TBC1D14: variants seen among roughly 807,000 people sequenced by gnomAD.
The protein encoded by TBC1D14 is TBC1 domain family, member 14.
Under a neutral mutation model 79.0 loss-of-function variants are expected in TBC1D14, and 26 were observed. That is an observed-to-expected ratio of 0.33 (90% CI 0.24 to 0.46). The LOEUF (loss-of-function observed/expected upper bound fraction) is 0.46. Ranked by LOEUF, TBC1D14 falls within the 20% of genes least tolerant of loss-of-function variation. TBC1D14 has a pLI of 1.00. For synonymous variants in TBC1D14, 394 were observed against 349.9 expected (o/e 1.13, Z -1.40); for missense variants, 769 against 887.6 (o/e 0.87, Z 1.70).
At chr4:7,011,581 G>A (rs1270132276) in intron 11 of TBC1D14, among the ~76,000 whole-genome samples, 1 of 151,662 alleles carries the variant, frequency 6.6e-6, no homozygotes, top group African/African-American at 2.4e-5. Flanking sequence ...TTTTTTGGCA[G>A]GGTCTTGCTC....
At chr4:6,969,707 A>G (rs528319050) in intron 3 of TBC1D14, among the ~76,000 whole-genome samples, 94 of 148,280 alleles carry the variant, frequency 6.3e-4, no homozygotes, top group African/African-American at 2.0e-3. Flanking sequence ...GCCCGGCCCG[A>G]CCCTGTTTTT....
chr4:6,929,807 C>A (rs1044696462), intron 2 of TBC1D14, among the ~76,000 whole-genome samples: 1 of 152,164 alleles, frequency 6.6e-6, no homozygotes, highest in South Asian at 2.1e-4. Flanking sequence ...TGAGCAGCTC[C>A]CTTTGGAGAA....
intron 1 of TBC1D14, among the ~76,000 whole-genome samples, chr4:6,922,549 G>A (rs982133824): frequency 4.6e-5 from 7 of 152,264 alleles, no homozygotes; most frequent in East Asian, 1.9e-4. Context: ...GTGAGTAAGC[G>A]TGACTGAAAC....
At chr4:7,001,999 G>A (rs1164174072) in intron 7 of TBC1D14, among the ~76,000 whole-genome samples, 1 of 152,204 alleles carries the variant, frequency 6.6e-6, no homozygotes, top group East Asian at 1.9e-4. Context: ...AGTTGATGAT[G>A]TGGTTTTTAT....
chr4:6,949,957 A>C (rs558328356), intron 2 of TBC1D14, among the ~76,000 whole-genome samples: 83 of 152,298 alleles, frequency 5.4e-4, no homozygotes, highest in Non-Finnish European at 7.4e-5. Flanking sequence ...CAGGTTTGTT[A>C]CATAGGTATA....
intron 12 of TBC1D14, among the ~76,000 whole-genome samples, chr4:7,020,509 G>A (rs894594825): frequency 1.3e-5 from 2 of 152,184 alleles, no homozygotes; most frequent in South Asian, 4.1e-4. Context: ...GAGTGAGGGC[G>A]CCTCCTTAGC....
rs188531042 is a variant in TBC1D14, at chr4:7,002,705, C to T, written c.1270+1454C>T. ...ACCAAGCCTGGGTCTCTGCATGGGG[C>T]AGGCCCTTAAGAAATACCTGCTGTG... On this transcript the variant is annotated intron_variant, in intron 7 of 13. Coordinates refer to ENST00000409757, the MANE Select transcript of TBC1D14 (RefSeq NM_020773.3). Among the ~76,000 whole-genome samples the T allele has an allele frequency of 3.0e-4, 45 of 152,320 alleles. 1 individual carries two copies. Among genetic ancestry groups the T allele is most frequent in the African/African-American group, 9.9e-4 (41 of 41,568 alleles).
At chr4:6,998,879 T>C in intron 5 of TBC1D14, 1 of 553,192 alleles carries the variant, frequency 1.8e-6, no homozygotes, top group East Asian at 3.2e-5. Context: ...CCTGTCTAGA[T>C]GTTAGACTTT....
In TBC1D14 at chr4:6,957,029, G is replaced by A. The variant is rs9994021; in HGVS notation, c.723-10275G>A. On this transcript the variant is annotated intron_variant, in intron 2 of 13. Transcript: ENST00000409757. Reference sequence around the variant, plus strand: ...CCTTTCTTAGGAAAAGTCTGGGAGTGGAGCAGGAGCATGGTTGCACCGTGC... The same window carrying A: ...CCTTTCTTAGGAAAAGTCTGGGAGTAGAGCAGGAGCATGGTTGCACCGTGC... 4.8e-3 allele frequency among the ~76,000 whole-genome samples: 733 copies of A among 152,364 alleles called. 4 individuals carry two copies. Among genetic ancestry groups the A allele is most frequent in the African/African-American group, 0.017 (691 of 41,574 alleles).
chr4:7,004,685 A>G (rs1403614744), intron 7 of TBC1D14, among the ~76,000 whole-genome samples, 159 bp from the exon 8 acceptor site: 1 of 152,234 alleles, frequency 6.6e-6, no homozygotes, highest in Non-Finnish European at 1.5e-5. Flanking sequence ...AATTACTTTC[A>G]GGCCAAGTTG....
intron 2 of TBC1D14, among the ~76,000 whole-genome samples, chr4:6,932,349 C>T (rs894270171): frequency 1.5e-4 from 22 of 144,894 alleles, no homozygotes; most frequent in Admixed American, 1.1e-3. Flanking sequence ...CGATCTTGGG[C>T]GACAGAGCAA....
At chr4:6,955,801 G>A (rs1714577309) in intron 2 of TBC1D14, among the ~76,000 whole-genome samples, 1 of 152,156 alleles carries the variant, frequency 6.6e-6, no homozygotes, top group African/African-American at 2.4e-5. Context: ...CACCAGGTCA[G>A]GGAGGATTGC....
At chr4:6,984,323 T>G (rs1305436693) in intron 3 of TBC1D14, among the ~76,000 whole-genome samples, 1 of 152,150 alleles carries the variant, frequency 6.6e-6, no homozygotes, top group Non-Finnish European at 1.5e-5. Context: ...GAGCAGTGGC[T>G]GGCATCCTGG....
At chr4:7,026,613 T>C (rs1415654628) in intron 13 of TBC1D14, among the ~76,000 whole-genome samples, 1 of 152,156 alleles carries the variant, frequency 6.6e-6, no homozygotes, top group East Asian at 1.9e-4. Context: ...ACAGGTCATT[T>C]AGGCTGGGCA....
chr4:6,953,023 C>CTTTTTTTTTTTTTTTTTTTTTTTT (rs371101904), intron 2 of TBC1D14, among the ~76,000 whole-genome samples: 1 of 107,112 alleles, frequency 9.3e-6, no homozygotes. Context: ...TTTTTTCTTT[C>CTTTTTTTTTTTTTTTTTTTTTTTT]TTTTTTTTTT....
chr4:7,022,708 C>T (rs138958908), intron 12 of TBC1D14, among the ~76,000 whole-genome samples: 15 of 152,150 alleles, frequency 9.9e-5, no homozygotes, highest in African/African-American at 1.4e-4. Flanking sequence ...CAGGGGGCAT[C>T]GTGGGCATAG....
intron 10 of TBC1D14, 152 bp downstream of exon 10, chr4:7,010,100 A>G: frequency 1.3e-6 from 1 of 792,140 alleles, no homozygotes; most frequent in South Asian, 1.6e-5. Flanking sequence ...AAGTGAGTTG[A>G]CTCAGGTTCC....
chr4:6,963,526 GA>G (rs1351614898), intron 2 of TBC1D14, among the ~76,000 whole-genome samples: 1 of 152,224 alleles, frequency 6.6e-6, no homozygotes, highest in Non-Finnish European at 1.5e-5. Flanking sequence ...TTGGTCATGT[GA>G]CAAGTAGGTG....
Position 7,006,679 on chromosome 4 carries a change from A to G in TBC1D14, c.1399A>G (p.Lys467Glu), listed in dbSNP as rs1367977295. The G allele has an allele frequency of 6.2e-7, 1 of 1,614,078 alleles. No individual in the cohort carries two copies. The highest frequency in any genetic ancestry group is 1.1e-5 in the South Asian group (1 of 91,024). ...CAGAGAAGCCAGTCTGGAGCTTATTAAACTGGACATTTCTAGAACATTTCC... is the reference window on the plus strand; with the variant it reads ...CAGAGAAGCCAGTCTGGAGCTTATTGAACTGGACATTTCTAGAACATTTCC... ...ADREASLELI[K>E]LDISRTFPNL... Residue 467 changes from lysine to glutamate, a missense_variant, in exon 9 of 14, where the codon AAA becomes GAA. Lys to Glu is a moderately conservative substitution (Grantham distance 56). Around this residue, in one of 2 missense-constraint regions of TBC1D14, gnomAD observed 367 missense variants for 494.4 expected, o/e 0.74. Transcript: ENST00000409757.
Sources: allele counts gnomAD v4.1 joint callset (sites outside exome capture counted in the v4.1 genomes callset), GRCh38; gene constraint gnomAD v4.1.1; regional missense constraint gnomAD v4.1.1; transcripts MANE v1.5; gene names NCBI Gene and HGNC (gene_info 2026-07-23, HGNC 2026-07-21).